The following USP6NL variants were observed in gnomAD, a reference collection of about 807,000 sequenced individuals.
The protein encoded by USP6NL is USP6 N-terminal like.
In USP6NL, 26 loss-of-function variants were observed where a neutral mutation model predicts 61.9. The observed-to-expected ratio is 0.42, with a 90% CI of 0.31 to 0.58. The LOEUF (loss-of-function observed/expected upper bound fraction) is 0.58, where lower values mean the gene tolerates loss of function less well. USP6NL is among the 20% of genes least tolerant of loss of function. The pLI, the probability that USP6NL is intolerant of heterozygous loss-of-function variation, is 0.16. For missense variants in USP6NL, 1,114 were observed against 1,034.3 expected (o/e 1.08, Z -1.06); for synonymous variants, 432 against 390.1 (o/e 1.11, Z -1.27).
chr10:11,562,835 T>C lies in USP6NL; in HGVS notation c.4+34796A>G, dbSNP rs541701832. 2.1e-5 allele frequency: 20 copies of C among 951,210 alleles called. No homozygotes were observed. In the South Asian group the frequency reaches 8.3e-4, roughly 39 times the overall value. The allele number at this position is 951,210 out of a possible 1,614,324, so 58.9% of individuals were successfully genotyped here. A position where few individuals can be genotyped will look rare whatever the true frequency, so the allele number is the denominator to read the frequency against. On this transcript the variant is annotated intron_variant, in intron 2 of 14. Transcript: ENST00000609104. The surrounding 1 kb of genome is among the most constrained non-coding windows in gnomAD (Gnocchi z 4.8). ...TAGTAAATAAGTTTTAGAAGAATAA[T>C]AGTAAGGGTCTTTTGGTAGTTTCTT...
chr10:11,480,577 T>C (rs1288295170), intron 14 of USP6NL, among the ~76,000 whole-genome samples: 4 of 152,254 alleles, frequency 2.6e-5, no homozygotes. Flanking sequence ...CCATTACTGC[T>C]GTGAGGGTTG....
intron 14 of USP6NL, among the ~76,000 whole-genome samples, chr10:11,479,294 C>G (rs767081164): frequency 2.0e-5 from 3 of 152,088 alleles, no homozygotes; most frequent in African/African-American, 4.8e-5. Flanking sequence ...CCTGTATGAA[C>G]AGACCAATAG....
At chr10:11,563,511 T>C (rs1305264021) in intron 2 of USP6NL, 2 of 152,060 alleles carry the variant, frequency 1.3e-5, no homozygotes, top group African/African-American at 4.8e-5. Flanking sequence ...AATATCAATA[T>C]CCTGGTTTGA....
At chr10:11,464,417 T>C (rs1382865170) in intron 14 of USP6NL, among the ~76,000 whole-genome samples, 2 of 152,206 alleles carry the variant, frequency 1.3e-5, no homozygotes, top group Admixed American at 6.5e-5. Flanking sequence ...AGGCCTGCGA[T>C]AGGCAGACAG....
At position 11,499,191 on chromosome 10, in the gene USP6NL, G is replaced by A. The variant is rs565920526; in HGVS notation, c.384+1910C>T. On this transcript the variant is annotated intron_variant, in intron 7 of 14. Coordinates refer to ENST00000609104, the MANE Select transcript of USP6NL (RefSeq NM_014688.5). This position sits in a 1 kb window ranked among gnomAD's most constrained non-coding sequence, Gnocchi z 4.5. ...GGATGTGTGGAGAGAGAGAGAAAGA[G>A]TGGATGAGAAAGGAAAAAAAAGTTG... 1.3e-5 allele frequency among the ~76,000 whole-genome samples: 2 copies of A among 152,134 alleles called. No homozygotes were observed. The highest frequency in any genetic ancestry group is 4.8e-5 in the African/African-American group (2 of 41,434).
rs1429983434 is a variant in USP6NL, at chr10:11,496,445, A to G, written c.385-3217T>C. Among the ~76,000 whole-genome samples, 1 of 152,148 alleles carries G rather than the reference A, an allele frequency of 6.6e-6. No individual in the cohort carries two copies. Among genetic ancestry groups the G allele is most frequent in the African/African-American group, 2.4e-5 (1 of 41,426 alleles). ...TGTCTGTCTGCATTCTCATTTTCCA[A>G]AACTGGTAGCTGTTAAGCATCTCCC... On this transcript the variant is annotated intron_variant, in intron 7 of 14. Coordinates refer to ENST00000609104, the MANE Select transcript of USP6NL (RefSeq NM_014688.5). This position sits in a 1 kb window ranked among gnomAD's most constrained non-coding sequence, Gnocchi z 5.4.
rs1837993822 is a variant in USP6NL at position 11,587,036 on chromosome 10, T to C, written c.4+10595A>G. 6.6e-6 allele frequency among the ~76,000 whole-genome samples: 1 copy of C among 152,114 alleles called. No homozygotes were observed. Among genetic ancestry groups the C allele is most frequent in the African/African-American group, 2.4e-5 (1 of 41,422 alleles). ...TGCAGGAGCAAGGACTCCCTGGATGTCCCTTTTGGTACTAAGACCGTACTA... is the reference window on the plus strand; with the variant it reads ...TGCAGGAGCAAGGACTCCCTGGATGCCCCTTTTGGTACTAAGACCGTACTA... On this transcript the variant is annotated intron_variant, in intron 2 of 14. Transcript: ENST00000609104. This position sits in a 1 kb window ranked among gnomAD's most constrained non-coding sequence, Gnocchi z 4.5.
chr10:11,545,034 A>G (rs2133467489), intron 2 of USP6NL, among the ~76,000 whole-genome samples: 1 of 152,362 alleles, frequency 6.6e-6, no homozygotes, highest in East Asian at 1.9e-4. Flanking sequence ...ATCTAGGTGA[A>G]CAGAAAGGAC....
intron 2 of USP6NL, chr10:11,565,356 T>C (rs1340271921): frequency 6.6e-6 from 1 of 152,194 alleles, no homozygotes; most frequent in African/African-American, 2.4e-5. Flanking sequence ...GAATGTAGCA[T>C]CCAGGCCGGG....
At chr10:11,464,179 C>G (rs1832340061) in intron 14 of USP6NL, among the ~76,000 whole-genome samples, 1 of 152,222 alleles carries the variant, frequency 6.6e-6, no homozygotes, top group African/African-American at 2.4e-5. Flanking sequence ...GGCACACATG[C>G]AGCCTTGAAG....
At chr10:11,494,899 G>T (rs1191494186) in intron 7 of USP6NL, among the ~76,000 whole-genome samples, 8 of 151,920 alleles carry the variant, frequency 5.3e-5, no homozygotes, top group African/African-American at 1.9e-4. Context: ...ATCACAGGGA[G>T]ACGGTTAGGC....
rs896060676 is a variant in USP6NL at position 11,595,816 on chromosome 10, G to C, written c.4+1815C>G. ...AAGACTTTAAAATAAGCATGTAAAA[G>C]ATCCACAAAGAGATAAAATAACAGA... On this transcript the variant is annotated intron_variant, in intron 2 of 14. Coordinates refer to ENST00000609104, the MANE Select transcript of USP6NL (RefSeq NM_014688.5). The surrounding 1 kb of genome is among the most constrained non-coding windows in gnomAD (Gnocchi z 5.3). Among the ~76,000 whole-genome samples, 1 of 152,128 alleles carries C rather than the reference G, an allele frequency of 6.6e-6. No individual in the cohort carries two copies.
intron 2 of USP6NL, among the ~76,000 whole-genome samples, chr10:11,568,734 TCCC>T (rs891067477): frequency 6.6e-6 from 1 of 152,138 alleles, no homozygotes; most frequent in Non-Finnish European, 1.5e-5. Flanking sequence ...ATGTTTCTTC[TCCC>T]CCATATTGCT....
chr10:11,489,136 G>A lies in USP6NL; in HGVS notation c.630C>T (p.Val210=). Residue 210 remains valine (V), a synonymous_variant, in exon 10 of 15, where the codon GTC becomes GTT. Coordinates refer to ENST00000609104, the MANE Select transcript of USP6NL (RefSeq NM_014688.5). The surrounding 1 kb of genome is among the most constrained non-coding windows in gnomAD (Gnocchi z 5.7). ...MNEEDAFWAL[V]KLFSGPKHAM... is the part of the protein sequence containing the mutation. ...CATGTTTAGGGCCTGAGAAGAGTTT[G>A]ACCAGGGCCCAGAAGGCATCTTCCT... 6.2e-7 allele frequency: 1 copy of A among 1,613,914 alleles called. No homozygotes were observed. The highest frequency in any genetic ancestry group is 8.5e-7 in the Non-Finnish European group (1 of 1,179,844).
rs1328172572 is a variant in USP6NL at position 11,478,442 on chromosome 10, T to C, written c.1078+3328A>G. Among the ~76,000 whole-genome samples, 2 of 152,068 alleles carry C rather than the reference T, an allele frequency of 1.3e-5. No individual in the cohort carries two copies. Among genetic ancestry groups the C allele is most frequent in the Non-Finnish European group, 2.9e-5 (2 of 68,044 alleles). ...ACGACTGTAAAATAAAAGCTTTTAC[T>C]TAGAAAAACTCAATTTTTAAAATAT... On this transcript the variant is annotated intron_variant, in intron 14 of 14. Coordinates refer to ENST00000609104, the MANE Select transcript of USP6NL (RefSeq NM_014688.5). The surrounding 1 kb of genome is among the most constrained non-coding windows in gnomAD (Gnocchi z 6.8).
chr10:11,498,610 T>G (rs1834046868), intron 7 of USP6NL, among the ~76,000 whole-genome samples: 1 of 152,126 alleles, frequency 6.6e-6, no homozygotes, highest in Admixed American at 6.5e-5. Context: ...CATAGAGCAC[T>G]TAGACATAAA....
chr10:11,578,618 A>G (rs1837636522), intron 2 of USP6NL, among the ~76,000 whole-genome samples: 1 of 152,150 alleles, frequency 6.6e-6, no homozygotes. Context: ...TCTAAAAAAA[A>G]TAAATCAAAA....
intron 2 of USP6NL, among the ~76,000 whole-genome samples, chr10:11,530,550 AAATC>A (rs1334192213): frequency 6.6e-6 from 1 of 152,234 alleles, no homozygotes; most frequent in African/African-American, 2.4e-5. Flanking sequence ...AGTTAACTCT[AAATC>A]AAATAAATAA....
At chr10:11,535,534 C>T (rs1835797890) in intron 2 of USP6NL, among the ~76,000 whole-genome samples, 1 of 152,172 alleles carries the variant, frequency 6.6e-6, no homozygotes, top group Admixed American at 6.5e-5. Context: ...GAGAAGGAAA[C>T]AGCACCTGAG....
Sources: gnomAD v4.1 joint callset for allele counts (sites outside exome capture counted in the v4.1 genomes callset) on GRCh38, gnomAD v4.1.1 for gene constraint, Gnocchi (gnomAD v3.1) non-coding constraint, MANE v1.5 for transcripts, NCBI Gene and HGNC (gene_info 2026-07-23, HGNC 2026-07-21) for gene names.